The following CYP2B6 variants were observed in gnomAD, a reference collection of about 807,000 sequenced individuals.
The protein encoded by CYP2B6 is cytochrome P450 family 2 subfamily B member 6.
CYP2B6 carries 35 observed loss-of-function variants against 43.4 expected under a neutral mutation model. The observed-to-expected ratio is 0.81, with a 90% CI of 0.62 to 1.07. CYP2B6 has a LOEUF of 1.07. Ranked by LOEUF, CYP2B6 falls within the 50% of genes least tolerant of loss-of-function variation. The pLI is 0.00. For missense variants in CYP2B6, 624 were observed against 632.8 expected (o/e 0.99, Z 0.15); for synonymous variants, 239 against 239.2 (o/e 1.00, Z 0.01).
chr19:41,015,315 A>G (rs550264556), intron 8 of CYP2B6, among the ~76,000 whole-genome samples: 1 of 152,352 alleles, frequency 6.6e-6, no homozygotes, highest in Admixed American at 6.5e-5. Flanking sequence ...AAAGAGTTAC[A>G]GAAGAACAGG....
In CYP2B6 at chr19:41,007,050, C is replaced by T. The variant is rs376096174; in HGVS notation, c.630C>T (p.Ser210=). 7.4e-6 allele frequency: 12 copies of T among 1,613,976 alleles called. No individual in the cohort carries two copies. The African/African-American group carries it at 1.6e-4, about 22-fold the overall frequency. ...NLFYQTFSLI[S]SVFGQLFELF... ...TCTACCAGACTTTTTCACTCATCAGCTCTGTATTCGGCCAGGTCAGGGAGA... is the reference window on the plus strand; with the variant it reads ...TCTACCAGACTTTTTCACTCATCAGTTCTGTATTCGGCCAGGTCAGGGAGA... Residue 210 remains serine, a synonymous_variant, in exon 4 of 9, where the codon AGC becomes AGT. Transcript: ENST00000324071.
intron 6 of CYP2B6, among the ~76,000 whole-genome samples, chr19:41,011,512 ATGAAT>A (rs1181563852): frequency 6.6e-6 from 1 of 152,200 alleles, no homozygotes; most frequent in Non-Finnish European, 1.5e-5. Flanking sequence ...CTTTCCATCC[ATGAAT>A]TGATCTATTG....
intron 1 of CYP2B6, among the ~76,000 whole-genome samples, chr19:41,000,907 C>A (rs987372834): frequency 5.3e-5 from 8 of 152,006 alleles, no homozygotes; most frequent in African/African-American, 1.9e-4. Flanking sequence ...GGCATGGTGG[C>A]ACATGTCTGT....
At position 41,010,068 on chromosome 19, in the gene CYP2B6, C is replaced by T. The variant is rs1969256790; in HGVS notation, c.897C>T (p.Gly299=). ...NLNTLSLFFA[G]TETTSTTLRY... ...ACACGCTCTCGCTCTTCTTTGCTGGCACTGAGACCACCAGCACCACTCTCC... is the reference window on the plus strand; with the variant it reads ...ACACGCTCTCGCTCTTCTTTGCTGGTACTGAGACCACCAGCACCACTCTCC... The change falls in exon 6 of 9, where the codon GGC becomes GGT. Residue 299 remains glycine, a synonymous_variant. Coordinates refer to ENST00000324071, the MANE Select transcript of CYP2B6 (RefSeq NM_000767.5). 3 of 1,613,992 alleles carry T rather than the reference C, an allele frequency of 1.9e-6. No homozygotes were observed. The highest frequency in any genetic ancestry group is 2.5e-6 in the Non-Finnish European group (3 of 1,179,992).
chr19:41,002,720 T>C (rs1244629797), intron 1 of CYP2B6, among the ~76,000 whole-genome samples: 1 of 152,092 alleles, frequency 6.6e-6, no homozygotes, highest in Non-Finnish European at 1.5e-5. Flanking sequence ...GGCTAATTTT[T>C]GTATTTTTAG....
At chr19:41,015,979 C>T (rs1009428137) in intron 8 of CYP2B6, among the ~76,000 whole-genome samples, 1 of 143,078 alleles carries the variant, frequency 7.0e-6, no homozygotes, top group Non-Finnish European at 1.5e-5. Flanking sequence ...TAAATGTGCT[C>T]ACACTCACAC....
intron 1 of CYP2B6, among the ~76,000 whole-genome samples, chr19:40,994,612 C>A (rs1325668732): frequency 6.6e-6 from 1 of 152,074 alleles, no homozygotes; most frequent in African/African-American, 2.4e-5. Flanking sequence ...CAAGCATGAG[C>A]CACCATGCCT....
chr19:41,000,144 G>T (rs537839836), intron 1 of CYP2B6, among the ~76,000 whole-genome samples: 5 of 152,176 alleles, frequency 3.3e-5, no homozygotes, highest in African/African-American at 1.2e-4. Context: ...CTCATTATTG[G>T]GGTTCCTTAG....
chr19:41,014,582 G>A (rs1969332766), intron 8 of CYP2B6, among the ~76,000 whole-genome samples: 1 of 152,190 alleles, frequency 6.6e-6, no homozygotes, highest in Admixed American at 6.5e-5. Context: ...TGGGATTACA[G>A]GCATAAGCCA....
chr19:41,005,947 G>C (rs562772324), intron 3 of CYP2B6, among the ~76,000 whole-genome samples: 2 of 152,072 alleles, frequency 1.3e-5, no homozygotes, highest in Non-Finnish European at 2.9e-5. Flanking sequence ...AGAGAAGACA[G>C]GCAAGTGAGA....
intron 4 of CYP2B6, chr19:41,007,334 C>A: frequency 2.1e-6 from 1 of 473,556 alleles, no homozygotes; most frequent in South Asian, 2.5e-5. Context: ...AAAAACAAGA[C>A]AAAGAAGAGC....
intron 8 of CYP2B6, among the ~76,000 whole-genome samples, chr19:41,016,433 A>AAAGAGAGAG (rs1568564700): frequency 1.0e-5 from 1 of 99,008 alleles, no homozygotes; most frequent in African/African-American, 4.2e-5. Context: ...AAAAAAAAAA[A>AAAGAGAGAG]AGAGAGAGAG....
intron 3 of CYP2B6, among the ~76,000 whole-genome samples, chr19:41,005,934 A>G (rs112360234): frequency 3.3e-5 from 5 of 151,850 alleles, no homozygotes; most frequent in African/African-American, 1.2e-4. Flanking sequence ...CTGCAGAGGA[A>G]TGAGAGAAGA....
chr19:41,012,379 C>G lies in CYP2B6; in HGVS notation c.1046C>G (p.Thr349Arg), dbSNP rs750021355. ...ELHDRAKMPY[T>R]EAVIYEIQRF... ...CATGACCGAGCCAAAATGCCATACA[C>G]AGAGGCAGTCATCTATGAGATTCAG... The change falls in exon 7 of 9, where the codon ACA becomes AGA. Residue 349 changes from threonine (T) to arginine (R), a missense_variant. Physicochemically the swap from Thr to Arg is moderately conservative, Grantham distance 71. Transcript: ENST00000324071. 1.1e-5 allele frequency: 18 copies of G among 1,614,174 alleles called. No homozygotes were observed. Among genetic ancestry groups the G allele is most frequent in the Non-Finnish European group, 1.4e-5 (16 of 1,180,026 alleles).
At chr19:41,002,085 A>G (rs1969099795) in intron 1 of CYP2B6, among the ~76,000 whole-genome samples, 1 of 152,126 alleles carries the variant, frequency 6.6e-6, no homozygotes, top group African/African-American at 2.4e-5. Context: ...GAGCGGTAAT[A>G]GGGCCACGTC....
chr19:40,999,198 T>G (rs930943280), intron 1 of CYP2B6, among the ~76,000 whole-genome samples: 5 of 152,210 alleles, frequency 3.3e-5, no homozygotes, highest in Non-Finnish European at 5.9e-5. Flanking sequence ...TTTTTTCATG[T>G]GTTTTTTGGC....
At chr19:41,008,236 G>GT (rs1320144773) in intron 4 of CYP2B6, among the ~76,000 whole-genome samples, 1 of 151,510 alleles carries the variant, frequency 6.6e-6, no homozygotes, top group African/African-American at 2.4e-5. Flanking sequence ...TTTTCAGACA[G>GT]TATCTTGCTC....
chr19:41,016,651 C>G lies in CYP2B6; in HGVS notation c.1300C>G (p.Arg434Gly). 1 of 1,614,086 alleles carries G rather than the reference C, an allele frequency of 6.2e-7. No individual in the cohort carries two copies. The highest frequency in any genetic ancestry group is 8.5e-7 in the Non-Finnish European group (1 of 1,179,964). Reference protein sequence around the residue: ...EAFIPFSLGKRICLGEGIARA... With the variant: ...EAFIPFSLGKGICLGEGIARA... ...GTGACCTTCTGTGTCCACAGGGAAG[C>G]GGATTTGTCTTGGTGAAGGCATCGC... The change falls in exon 9 of 9, where the codon CGG becomes GGG. Residue 434 changes from arginine (R) to glycine (G), a missense_variant. Coordinates refer to ENST00000324071, the MANE Select transcript of CYP2B6 (RefSeq NM_000767.5).
intron 1 of CYP2B6, among the ~76,000 whole-genome samples, chr19:40,994,219 G>T (rs1449221398): frequency 6.6e-6 from 1 of 152,062 alleles, no homozygotes; most frequent in African/African-American, 2.4e-5. Context: ...AAACTCTCAG[G>T]GAAACAATTT....
Sources: allele counts gnomAD v4.1 joint callset (sites outside exome capture counted in the v4.1 genomes callset), GRCh38; gene constraint gnomAD v4.1.1; transcripts MANE v1.5; gene names NCBI Gene and HGNC (gene_info 2026-07-23, HGNC 2026-07-21).